Variants in LDB2 observed in about 807,000 individuals in gnomAD.
LDB2 encodes LIM domain-binding protein 2.
Under a neutral mutation model 44.3 loss-of-function variants are expected in LDB2, and 12 were observed. The ratio of observed to expected loss-of-function variants is 0.27; its 90% CI spans 0.17 to 0.44. The LOEUF is 0.44. Ranked by LOEUF, LDB2 falls within the 20% of genes least tolerant of loss-of-function variation. LDB2 has a pLI of 1.00. For missense variants in LDB2, 344 were observed against 473.5 expected (o/e 0.73, Z 2.54); for synonymous variants, 164 against 174.8 (o/e 0.94, Z 0.49).
chr4:16,699,006 G>A (rs1038063867), intron 2 of LDB2, among the ~76,000 whole-genome samples: 8 of 152,152 alleles, frequency 5.3e-5, no homozygotes, highest in Non-Finnish European at 1.2e-4. Context: ...CCTTCAGCCT[G>A]TCAGGAATTG....
At chr4:16,822,051 C>T (rs1782185560) in intron 1 of LDB2, among the ~76,000 whole-genome samples, 2 of 151,858 alleles carry the variant, frequency 1.3e-5, no homozygotes, top group South Asian at 4.2e-4. Flanking sequence ...TACTTAGTAG[C>T]TTATCACCTC....
At chr4:16,503,056 C>T in intron 7 of LDB2, 183 bp from the exon 8 acceptor site, 3 of 1,540,332 alleles carry the variant, frequency 1.9e-6, no homozygotes, top group Non-Finnish European at 2.6e-6. Context: ...AACATCGCCT[C>T]CTGATGTGTA....
chr4:16,595,919 C>T lies in LDB2; in HGVS notation c.236-44G>A, dbSNP rs200096689. ...GAAACAAACCATTAACAAAAATATC[C>T]CACCAGCCCCACACACCCAACACCA... On this transcript the variant is annotated intron_variant, in intron 2 of 7. Coordinates refer to ENST00000304523, the MANE Select transcript of LDB2 (RefSeq NM_001290.5). 1.2e-4 allele frequency: 184 copies of T among 1,567,284 alleles called. 1 individual carries two copies. In the African/African-American group the frequency reaches 2.3e-3, roughly 20 times the overall value.
intron 1 of LDB2, among the ~76,000 whole-genome samples, chr4:16,870,752 C>T (rs1716323016): frequency 6.6e-6 from 1 of 152,270 alleles, no homozygotes; most frequent in East Asian, 1.9e-4. Context: ...CCTGCCTCAG[C>T]CTCCCAAGTA....
At chr4:16,696,266 C>T (rs534916199) in intron 2 of LDB2, among the ~76,000 whole-genome samples, 6 of 152,144 alleles carry the variant, frequency 3.9e-5, no homozygotes, top group Non-Finnish European at 5.9e-5. Context: ...TGGTGGGCTG[C>T]CCTTCCAGCT....
At chr4:16,556,862 CTT>C (rs771499005) in intron 5 of LDB2, among the ~76,000 whole-genome samples, 1 of 152,188 alleles carries the variant, frequency 6.6e-6, no homozygotes, top group Non-Finnish European at 1.5e-5. Context: ...AAGAACATTA[CTT>C]TGGTTCAAAT....
chr4:16,668,570 T>C (rs531484420), intron 2 of LDB2, among the ~76,000 whole-genome samples: 2 of 152,340 alleles, frequency 1.3e-5, no homozygotes, highest in Admixed American at 1.3e-4. Flanking sequence ...TCCAGCATTT[T>C]TTTAATGAAA....
chr4:16,825,988 TC>T (rs1450553691), intron 1 of LDB2, among the ~76,000 whole-genome samples: 1 of 151,594 alleles, frequency 6.6e-6, no homozygotes, highest in African/African-American at 2.4e-5. Flanking sequence ...TTATATATTA[TC>T]ATTATATATT....
At chr4:16,829,267 A>T (rs1783621714) in intron 1 of LDB2, among the ~76,000 whole-genome samples, 1 of 152,198 alleles carries the variant, frequency 6.6e-6, no homozygotes, top group Non-Finnish European at 1.5e-5. Flanking sequence ...TCACACTCAG[A>T]GCTTGTAAGT....
chr4:16,630,896 A>C (rs956903086), intron 2 of LDB2, among the ~76,000 whole-genome samples: 4 of 152,196 alleles, frequency 2.6e-5, no homozygotes. Flanking sequence ...AACTATCCTA[A>C]ATATATATGC....
chr4:16,821,780 T>C (rs1782127478), intron 1 of LDB2, among the ~76,000 whole-genome samples: 1 of 111,312 alleles, frequency 9.0e-6, no homozygotes. Flanking sequence ...ATCAGGAATT[T>C]ATAAGGTAAA....
chr4:16,630,217 C>A lies in LDB2; in HGVS notation c.236-34342G>T, dbSNP rs139494109. Reference sequence around the variant, plus strand: ...GGTCGAGTTACCCATAAAGAGAAGCCCAACAGACTAACAGTGATGTCTCTG... The same window carrying A: ...GGTCGAGTTACCCATAAAGAGAAGCACAACAGACTAACAGTGATGTCTCTG... On this transcript the variant is annotated intron_variant, in intron 2 of 7. Coordinates refer to ENST00000304523, the MANE Select transcript of LDB2 (RefSeq NM_001290.5). 7.9e-5 allele frequency among the ~76,000 whole-genome samples: 12 copies of A among 152,228 alleles called. No individual in the cohort carries two copies. The East Asian group carries it at 2.3e-3, about 29-fold the overall frequency.
intron 4 of LDB2, among the ~76,000 whole-genome samples, chr4:16,586,499 CACACACACACACACACACACACACACAAA>C (rs1193482598): frequency 8.3e-6 from 1 of 120,436 alleles, no homozygotes; most frequent in Non-Finnish European, 1.8e-5. Flanking sequence ...CACACACACA[CACACACACACACACACACACACACACAAA>C]ACACACACAC....
chr4:16,512,063 T>C lies in LDB2; in HGVS notation c.657A>G (p.Arg219=). 1.2e-6 allele frequency: 2 copies of C among 1,613,612 alleles called. No homozygotes were observed. The highest frequency in any genetic ancestry group is 1.7e-6 in the Non-Finnish European group (2 of 1,179,730). ...GGGGACTGAGGTTGTAAGTTTTATG[T>C]CTCGACATCAGTTCCTGCATTGGCT... ...ILEPMQELMS[R]HKTYNLSPRD... Residue 219 remains arginine, a synonymous_variant, in exon 6 of 8, where the codon AGA becomes AGG. Coordinates refer to ENST00000304523, the MANE Select transcript of LDB2 (RefSeq NM_001290.5).
chr4:16,880,926 C>T (rs933428279), intron 1 of LDB2, among the ~76,000 whole-genome samples: 3 of 146,618 alleles, frequency 2.0e-5, no homozygotes, highest in Admixed American at 6.8e-5. Context: ...AAAAAAAGCA[C>T]ACACACAAAG....
At chr4:16,544,898 T>C (rs1224870387) in intron 5 of LDB2, among the ~76,000 whole-genome samples, 6 of 152,084 alleles carry the variant, frequency 3.9e-5, no homozygotes, top group Admixed American at 3.9e-4. Context: ...TTAAAATGCA[T>C]AGGACTCAAT....
chr4:16,547,297 G>T (rs1184572305), intron 5 of LDB2, among the ~76,000 whole-genome samples: 1 of 152,198 alleles, frequency 6.6e-6, no homozygotes, highest in Admixed American at 6.5e-5. Context: ...GACCTTCAGA[G>T]GGAGCGCAGC....
chr4:16,504,973 G>T (rs1224199626), intron 7 of LDB2, among the ~76,000 whole-genome samples: 1 of 152,186 alleles, frequency 6.6e-6, no homozygotes, highest in East Asian at 1.9e-4. Flanking sequence ...GTCTGCATTA[G>T]TATCGTGACT....
chr4:16,887,407 AG>A (rs1324949041), intron 1 of LDB2, among the ~76,000 whole-genome samples: 4 of 152,208 alleles, frequency 2.6e-5, no homozygotes, highest in African/African-American at 9.7e-5. Flanking sequence ...TGGGACTAGT[AG>A]GTTCCATCAA....
Sources: gnomAD v4.1 joint callset for allele counts (sites outside exome capture counted in the v4.1 genomes callset) on GRCh38, gnomAD v4.1.1 for gene constraint, MANE v1.5 for transcripts, NCBI Gene and HGNC (gene_info 2026-07-23, HGNC 2026-07-21) for gene names.